Variants in GAS6 observed in about 807,000 individuals in gnomAD.
The protein encoded by GAS6 is growth arrest specific 6, also known as growth arrest-specific protein 6.
A neutral mutation model predicts 75.8 loss-of-function variants in GAS6; 41 were observed. The ratio of observed to expected loss-of-function variants is 0.54; its 90% confidence interval spans 0.42 to 0.70. The LOEUF (loss-of-function observed/expected upper bound fraction) is 0.70. GAS6 is among the 30% of genes least tolerant of loss of function. The probability of loss-of-function intolerance (pLI) is 0.00; values close to 1 mark genes in which losing one functional copy is unlikely to be tolerated. For missense variants in GAS6, 854 were observed against 940.2 expected, an observed-to-expected ratio of 0.91 and a Z score of 1.20; for synonymous variants, 432 against 412.6, an observed-to-expected ratio of 1.05 and a Z score of -0.57.
rs1323677401 is a variant in GAS6, at chr13:113,832,875, C to T, written c.835-123G>A. The T allele has an allele frequency of 1.7e-5, 27 of 1,560,028 alleles. No homozygotes were observed. In the East Asian group the frequency reaches 5.9e-4, roughly 34 times the overall value. On this transcript the variant is annotated intron_variant, in intron 8 of 14. Coordinates refer to ENST00000327773, the MANE Select transcript of GAS6 (RefSeq NM_000820.4). ...CTGTGCCTCGGGAGTGGCCACCCCGCCTCTAGCTGCTGAGACCCCAGAGGC... is the reference window on the plus strand; with the variant it reads ...CTGTGCCTCGGGAGTGGCCACCCCGTCTCTAGCTGCTGAGACCCCAGAGGC...
intron 13 of GAS6, 98 bp from the exon 14 acceptor site, chr13:113,822,284 G>T: frequency 2.1e-6 from 2 of 932,080 alleles, no homozygotes; most frequent in Non-Finnish European, 3.1e-6. Context: ...CCCCTACGCC[G>T]CACGCCTGTC....
chr13:113,851,679 G>A (rs1488177188), intron 2 of GAS6, among the ~76,000 whole-genome samples: 2 of 152,186 alleles, frequency 1.3e-5, no homozygotes, highest in African/African-American at 2.4e-5. Flanking sequence ...GGGTGGATGG[G>A]TGAATGAATG....
rs2051848322 is a variant in GAS6, at chr13:113,848,153, A to G, written c.256-103T>C. 2.3e-6 allele frequency: 3 copies of G among 1,279,306 alleles called. No homozygotes were observed. The highest frequency in any genetic ancestry group is 2.2e-6 in the Non-Finnish European group (2 of 903,104). The allele number at this position is 1,279,306 out of a possible 1,614,324, so 79.2% of individuals were successfully genotyped here. On this transcript the variant is annotated intron_variant, in intron 2 of 14. Coordinates refer to ENST00000327773, the MANE Select transcript of GAS6 (RefSeq NM_000820.4). The surrounding 1 kb of genome is among the most constrained non-coding windows in gnomAD (Gnocchi z 4.8). ...GTTAATCAGAGGCTGCTCTCGGGGC[A>G]GCCAGAGGGCCGCCCCACCCGGGGA...
chr13:113,853,825 C>G (rs1566373403), intron 2 of GAS6, among the ~76,000 whole-genome samples: 2 of 152,216 alleles, frequency 1.3e-5, no homozygotes, highest in East Asian at 1.9e-4. Flanking sequence ...TCTTACAGAC[C>G]CTTGGCCTGG....
chr13:113,839,944 TC>T (rs1163005037), intron 4 of GAS6, 94 bp from the exon 5 acceptor site: 1 of 1,589,188 alleles, frequency 6.3e-7, no homozygotes, highest in African/African-American at 1.3e-5. Flanking sequence ...GGGTCTCGGG[TC>T]CAGCCCGGAG....
In GAS6 at chr13:113,835,907, G is replaced by C. The variant is rs1007145788; in HGVS notation, c.590-272C>G. ...GAAGGGCCCTGCTTGGTGGAGGGGT[G>C]GGGGGCGGCGGTGCACGCTGTGCTG... On this transcript the variant is annotated intron_variant, in intron 6 of 14. Coordinates refer to ENST00000327773, the MANE Select transcript of GAS6 (RefSeq NM_000820.4). 19 of 1,289,400 alleles carry C rather than the reference G, an allele frequency of 1.5e-5. No homozygotes were observed. The African/African-American group carries it at 2.4e-4, about 17-fold the overall frequency. 79.9% of individuals were successfully genotyped at this position (1,289,400 alleles called of 1,614,324 possible).
At position 113,820,707 on chromosome 13, in the gene GAS6, C is replaced by T; in HGVS notation, c.*157G>A. 1 of 892,830 alleles carries T rather than the reference C, an allele frequency of 1.1e-6. No homozygotes were observed. Among genetic ancestry groups the T allele is most frequent in the Non-Finnish European group, 1.6e-6 (1 of 606,064 alleles). 55.3% of individuals were successfully genotyped at this position (892,830 alleles called of 1,614,324 possible). On this transcript the variant is annotated 3_prime_UTR_variant, in exon 15 of 15. Coordinates refer to ENST00000327773, the MANE Select transcript of GAS6 (RefSeq NM_000820.4). ...ACGGCTGAGTGCGCGGCGTCAGAGG[C>T]CCCAAGTCCATCTCACTATTTACAG...
At position 113,845,014 on chromosome 13, in the gene GAS6, C is replaced by T. The variant is rs932395480; in HGVS notation, c.343+1513G>A. ...AATTTAAAAGAAGAGACTGGTTTAG[C>T]AATCACTAAGATAAAACACGCGTGA... On this transcript the variant is annotated intron_variant, in intron 4 of 14. Coordinates refer to ENST00000327773, the MANE Select transcript of GAS6 (RefSeq NM_000820.4). The surrounding 1 kb of genome is among the most constrained non-coding windows in gnomAD (Gnocchi z 4.3). 8 of 146,690 alleles carry T rather than the reference C, an allele frequency of 5.5e-5. No individual in the cohort carries two copies. In the East Asian group the frequency reaches 1.6e-3, roughly 29 times the overall value. 9.1% of individuals were successfully genotyped at this position (146,690 alleles called of 1,614,324 possible). A position where few individuals can be genotyped will look rare whatever the true frequency, so the allele number is the denominator to read the frequency against.
chr13:113,829,880 G>A (rs181337535), intron 10 of GAS6, among the ~76,000 whole-genome samples: 1 of 151,324 alleles, frequency 6.6e-6, no homozygotes, highest in Admixed American at 6.6e-5. Flanking sequence ...CAATCTCAGG[G>A]AGACCCCCTG....
At chr13:113,833,902 GGT>G (rs995818274) in intron 8 of GAS6, among the ~76,000 whole-genome samples, 3 of 149,808 alleles carry the variant, frequency 2.0e-5, no homozygotes, top group Non-Finnish European at 3.0e-5. Context: ...GACAGGCAGT[GGT>G]GTGACAGGTC....
chr13:113,858,592 T>TA (rs772930928), intron 2 of GAS6, among the ~76,000 whole-genome samples: 55 of 151,502 alleles, frequency 3.6e-4, no homozygotes, highest in Non-Finnish European at 5.7e-4. Flanking sequence ...TGTGACTGTG[T>TA]ACGTATGTGT....
intron 14 of GAS6, chr13:113,821,654 C>G (rs905096598): frequency 2.4e-6 from 1 of 412,042 alleles, no homozygotes. Context: ...GCCCAGCCCT[C>G]TCCCCCGGGG....
At chr13:113,843,773 C>G (rs2051811172) in intron 4 of GAS6, 1 of 151,176 alleles carries the variant, frequency 6.6e-6, no homozygotes. Context: ...CGCTGGGGGC[C>G]TGCTTGTCTG....
At position 113,835,588 on chromosome 13, in the gene GAS6, T is replaced by C; in HGVS notation, c.637A>G (p.Lys213Glu). ...CAGGAGTAGGAGCCGGGCAGGTTCT[T>C]GCAGCGCGCCTCCCCGCAGGCCTCC... Reference protein sequence around the residue: ...DSEACGEARCKNLPGSYSCLC... With the variant: ...DSEACGEARCENLPGSYSCLC... Residue 213 changes from lysine to glutamate, a missense_variant, in exon 7 of 15, where the codon AAG becomes GAG. Physicochemically the swap from Lys to Glu is moderately conservative, Grantham distance 56 (BLOSUM62 1). Transcript: ENST00000327773. 1 of 1,612,444 alleles carries C rather than the reference T, an allele frequency of 6.2e-7. No homozygotes were observed.
At chr13:113,847,321 A>C (rs1275692885) in intron 3 of GAS6, among the ~76,000 whole-genome samples, 1 of 152,276 alleles carries the variant, frequency 6.6e-6, no homozygotes, top group African/African-American at 2.4e-5. Flanking sequence ...ATATGGACCC[A>C]GGGAAGGACC....
chr13:113,835,994 T>G, intron 6 of GAS6: 2 of 1,051,138 alleles, frequency 1.9e-6, no homozygotes, highest in Non-Finnish European at 2.3e-6. Flanking sequence ...CCGGGGGCAT[T>G]TGAAACTAAA....
At chr13:113,847,365 A>C (rs570321943) in intron 3 of GAS6, among the ~76,000 whole-genome samples, 1 of 152,372 alleles carries the variant, frequency 6.6e-6, no homozygotes, top group South Asian at 2.1e-4. Context: ...TGCACTTTGC[A>C]ACATTAAAAA....
At chr13:113,829,591 T>A (rs2051603640) in intron 10 of GAS6, among the ~76,000 whole-genome samples, 1 of 131,244 alleles carries the variant, frequency 7.6e-6, no homozygotes. Flanking sequence ...GCCAAGAGGG[T>A]CCCAACCTCA....
intron 2 of GAS6, among the ~76,000 whole-genome samples, chr13:113,851,620 T>G (rs1373274345): frequency 6.6e-6 from 1 of 151,752 alleles, no homozygotes; most frequent in East Asian, 1.9e-4. Flanking sequence ...AATGAAGGAA[T>G]GAGTGGATGG....
Sources: allele counts gnomAD v4.1 joint callset (sites outside exome capture counted in the v4.1 genomes callset), GRCh38; gene constraint gnomAD v4.1.1; non-coding constraint Gnocchi (gnomAD v3.1); transcripts MANE v1.5; gene names NCBI Gene and HGNC (gene_info 2026-07-23, HGNC 2026-07-21).